AGBL1: variants seen among roughly 807,000 people sequenced by gnomAD.
The protein encoded by AGBL1 is AGBL carboxypeptidase 1, also known as cytosolic carboxypeptidase 4.
AGBL1 carries 130 observed loss-of-function variants against 118.9 expected under a neutral mutation model. The observed-to-expected ratio is 1.09, with a 90% CI of 0.95 to 1.26. The LOEUF is 1.26. AGBL1 is among the 50% of genes most tolerant of loss of function. AGBL1 has a pLI of 0.00. For missense variants in AGBL1, 1,584 were observed against 1,298.1 expected, an observed-to-expected ratio of 1.22 and a Z score of -3.38; for synonymous variants, 555 against 478.9, an observed-to-expected ratio of 1.16 and a Z score of -2.08.
intron 22 of AGBL1, among the ~76,000 whole-genome samples, chr15:86,704,743 A>T (rs2086418120): frequency 6.6e-6 from 1 of 152,196 alleles, no homozygotes; most frequent in Non-Finnish European, 1.5e-5. Flanking sequence ...AAGGTTCTAG[A>T]ACCAGAAATA....
intron 23 of AGBL1, among the ~76,000 whole-genome samples, chr15:86,984,458 T>G (rs368563456): frequency 4.6e-5 from 7 of 151,370 alleles, no homozygotes; most frequent in East Asian, 2.0e-4. Context: ...TCCGCCCCGC[T>G]GGGTTCGAGC....
intron 5 of AGBL1, among the ~76,000 whole-genome samples, chr15:86,175,577 G>C: frequency 6.6e-6 from 1 of 151,690 alleles, no homozygotes; most frequent in Non-Finnish European, 1.5e-5. Context: ...CTAGTTCCTT[G>C]AGGTGCATCA....
chr15:86,732,271 A>G (rs1336508614), intron 22 of AGBL1, among the ~76,000 whole-genome samples: 4 of 152,186 alleles, frequency 2.6e-5, no homozygotes, highest in African/African-American at 4.8e-5. Flanking sequence ...GTATGCATGT[A>G]TATTTGTTTA....
intron 22 of AGBL1, among the ~76,000 whole-genome samples, chr15:86,685,809 G>A (rs2086043705): frequency 6.6e-6 from 1 of 152,022 alleles, no homozygotes; most frequent in Non-Finnish European, 1.5e-5. Flanking sequence ...GAAACATATT[G>A]CAAATGATTC....
intron 17 of AGBL1, among the ~76,000 whole-genome samples, chr15:86,312,829 A>G (rs573415742): frequency 1.3e-5 from 2 of 152,352 alleles, no homozygotes; most frequent in South Asian, 4.1e-4. Context: ...GGATGCTTCA[A>G]CAGAGCTGTC....
chr15:86,239,101 G>A (rs1023511256), intron 6 of AGBL1, among the ~76,000 whole-genome samples: 1 of 152,148 alleles, frequency 6.6e-6, no homozygotes, highest in Admixed American at 6.5e-5. Context: ...CTAGTTCTGT[G>A]GCAAGTTATT....
At chr15:86,436,716 A>G (rs938801260) in intron 18 of AGBL1, among the ~76,000 whole-genome samples, 1 of 152,222 alleles carries the variant, frequency 6.6e-6, no homozygotes, top group Admixed American at 6.5e-5. Flanking sequence ...ATTATTTTGC[A>G]AATAGGCAGA....
intron 17 of AGBL1, among the ~76,000 whole-genome samples, chr15:86,348,189 AAAG>A (rs1354123210): frequency 3.3e-5 from 5 of 152,246 alleles, no homozygotes; most frequent in African/African-American, 1.2e-4. Flanking sequence ...GTGGGAGAGA[AAAG>A]AAGAGGCAGC....
intron 22 of AGBL1, among the ~76,000 whole-genome samples, chr15:86,699,777 A>G (rs1464767830): frequency 6.6e-6 from 1 of 152,046 alleles, no homozygotes; most frequent in African/African-American, 2.4e-5. Context: ...GCTTGTTTAA[A>G]GTAGTGTCTG....
Position 86,270,046 on chromosome 15 carries a change from C to A in AGBL1, c.1966C>A (p.Pro656Thr), listed in dbSNP as rs111352592. ...YHFNIINCEK[P>T]NSQFNYGMQP... ...CTTCAACATCATCAACTGTGAGAAGCCCAACAGCCAGTTTAATTATGGTAT... is the reference window on the plus strand; with the variant it reads ...CTTCAACATCATCAACTGTGAGAAGACCAACAGCCAGTTTAATTATGGTAT... Residue 656 changes from proline (P) to threonine (T), a missense_variant, in exon 14 of 23, where the codon CCC (proline) becomes ACC (threonine). Coordinates refer to ENST00000614907, the MANE Select transcript of AGBL1 (RefSeq NM_001386094.1). The A allele has an allele frequency of 6.2e-7, 1 of 1,612,538 alleles. No homozygotes were observed. The highest frequency in any genetic ancestry group is 8.5e-7 in the Non-Finnish European group (1 of 1,179,326).
chr15:86,308,236 G>C (rs557298483), intron 17 of AGBL1, among the ~76,000 whole-genome samples: 9 of 152,140 alleles, frequency 5.9e-5, no homozygotes, highest in Admixed American at 5.9e-4. Flanking sequence ...GAATTCATGA[G>C]TTGAAACCCT....
chr15:86,876,077 G>A (rs577272438), intron 22 of AGBL1, among the ~76,000 whole-genome samples: 1 of 152,264 alleles, frequency 6.6e-6, no homozygotes, highest in South Asian at 2.1e-4. Flanking sequence ...AGAGAATGTA[G>A]CCACCTCAAG....
At chr15:86,882,191 G>A (rs1256377224) in intron 22 of AGBL1, among the ~76,000 whole-genome samples, 1 of 152,162 alleles carries the variant, frequency 6.6e-6, no homozygotes, top group Non-Finnish European at 1.5e-5. Context: ...CATGACAATG[G>A]TTTTTTGAGA....
At chr15:86,370,737 C>T (rs536580997) in intron 17 of AGBL1, among the ~76,000 whole-genome samples, 2 of 152,330 alleles carry the variant, frequency 1.3e-5, no homozygotes, top group South Asian at 4.1e-4. Flanking sequence ...TAGCATTATC[C>T]ATGACCTTGT....
At chr15:86,544,795 A>G (rs559970207) in intron 19 of AGBL1, among the ~76,000 whole-genome samples, 1 of 152,328 alleles carries the variant, frequency 6.6e-6, no homozygotes, top group Non-Finnish European at 1.5e-5. Flanking sequence ...GGCTAAGTGC[A>G]TATTCCAGAG....
chr15:86,196,233 C>G (rs1247376446), intron 5 of AGBL1, among the ~76,000 whole-genome samples: 3 of 152,064 alleles, frequency 2.0e-5, no homozygotes, highest in Non-Finnish European at 4.4e-5. Context: ...CAACTGAGTT[C>G]AGATGTAGGA....
At chr15:86,956,388 T>G (rs375889586) in intron 23 of AGBL1, among the ~76,000 whole-genome samples, 18 of 152,188 alleles carry the variant, frequency 1.2e-4, no homozygotes, top group Non-Finnish European at 2.2e-4. Flanking sequence ...ATGAAAGAGA[T>G]AAATTCTAAG....
intron 22 of AGBL1, among the ~76,000 whole-genome samples, chr15:86,859,646 G>A (rs1031352144): frequency 2.0e-5 from 3 of 152,162 alleles, no homozygotes; most frequent in Non-Finnish European, 4.4e-5. Context: ...CACACGGCTT[G>A]TCACGAGAGG....
At chr15:86,196,884 C>T (rs1490851357) in intron 5 of AGBL1, among the ~76,000 whole-genome samples, 1 of 96,540 alleles carries the variant, frequency 1.0e-5, no homozygotes, top group Non-Finnish European at 2.3e-5. Flanking sequence ...CGCGCGCACA[C>T]ACACACACAC....
Sources: gnomAD v4.1 joint callset for allele counts (sites outside exome capture counted in the v4.1 genomes callset) on GRCh38, gnomAD v4.1.1 for gene constraint, MANE v1.5 for transcripts, NCBI Gene and HGNC (gene_info 2026-07-23, HGNC 2026-07-21) for gene names.